YPEL1: variants seen among roughly 807,000 people sequenced by gnomAD.
The protein encoded by YPEL1 is yippee like 1, also known as protein yippee-like 1.
YPEL1 carries 7 observed loss-of-function variants against 17.3 expected under a neutral mutation model. That is an observed-to-expected ratio of 0.40 (90% CI 0.23 to 0.76). The LOEUF is 0.76. YPEL1 is among the 30% of genes least tolerant of loss of function. The pLI is 0.35. For missense variants in YPEL1, 91 were observed against 155.5 expected, an observed-to-expected ratio of 0.59 and a Z score of 2.21; for synonymous variants, 59 against 59.6, an observed-to-expected ratio of 0.99 and a Z score of 0.05.
At position 21,699,690 on chromosome 22, in the gene YPEL1, T is replaced by C. The variant is rs1289886283; in HGVS notation, c.*1439A>G. 6.5e-6 allele frequency: 1 copy of C among 152,822 alleles called. No individual in the cohort carries two copies. Among genetic ancestry groups the C allele is most frequent in the Non-Finnish European group, 1.5e-5 (1 of 68,054 alleles). The allele number at this position is 152,822 out of a possible 1,614,324, so 9.5% of individuals were successfully genotyped here. On this transcript the variant is annotated 3_prime_UTR_variant, in exon 5 of 5. Coordinates refer to ENST00000339468, the MANE Select transcript of YPEL1 (RefSeq NM_013313.5). The stretch of plus-strand genomic sequence containing the variant: ...TAAACATTCTGGCAAATGTCAAGTT[T>C]TGAAGTTTTTCCTGTGGGTTCTGGC...
Position 21,703,298 on chromosome 22 carries a change from G to C in YPEL1, c.270+72C>G. ...ACTGGTACCATGGGCCACACTGCAC[G>C]GGGAGGTGTGGCTCAGTGGCAACTT... On this transcript the variant is annotated intron_variant, in intron 4 of 4. Transcript: ENST00000339468. This position sits in a 1 kb window ranked among gnomAD's most constrained non-coding sequence, Gnocchi z 6.1. 2 of 1,310,756 alleles carry C rather than the reference G, an allele frequency of 1.5e-6. No individual in the cohort carries two copies. The highest frequency in any genetic ancestry group is 2.2e-6 in the Non-Finnish European group (2 of 911,856). The allele number at this position is 1,310,756 out of a possible 1,614,324, so 81.2% of individuals were successfully genotyped here. A position where few individuals can be genotyped will look rare whatever the true frequency, so the allele number is the denominator to read the frequency against.
At chr22:21,702,510 A>AAGGC (rs2148594474) in intron 4 of YPEL1, among the ~76,000 whole-genome samples, 1 of 152,168 alleles carries the variant, frequency 6.6e-6, no homozygotes, top group East Asian at 1.9e-4. Flanking sequence ...TCCTTCAACA[A>AAGGC]AGGCAGGCAG....
At chr22:21,734,203 G>A (rs563959927) in intron 1 of YPEL1, among the ~76,000 whole-genome samples, 23 of 152,216 alleles carry the variant, frequency 1.5e-4, no homozygotes, top group Non-Finnish European at 3.1e-4. Context: ...CTGAGCAAGA[G>A]TGAGACCCTG....
At chr22:21,725,613 C>A (rs73384125) in intron 1 of YPEL1, among the ~76,000 whole-genome samples, 1,798 of 152,128 alleles carry the variant, frequency 0.012, 38 homozygotes, top group African/African-American at 0.04. Flanking sequence ...TGTCCTGGCC[C>A]CTGAAAGGCA....
At chr22:21,710,353 G>A (rs1820098995) in intron 2 of YPEL1, 7 of 503,938 alleles carry the variant, frequency 1.4e-5, no homozygotes. Context: ...TCTGCTGTGA[G>A]TAACAAGTGA....
chr22:21,722,468 TAGCC>T (rs1200828976), intron 1 of YPEL1, among the ~76,000 whole-genome samples: 1 of 149,924 alleles, frequency 6.7e-6, no homozygotes, highest in African/African-American at 2.4e-5. Flanking sequence ...TACAAAAAAA[TAGCC>T]AGGCATGGTG....
intron 1 of YPEL1, among the ~76,000 whole-genome samples, chr22:21,730,393 T>C (rs1283049784): frequency 1.3e-5 from 2 of 152,032 alleles, no homozygotes; most frequent in African/African-American, 2.4e-5. Flanking sequence ...CTGGCTAAGT[T>C]TGTATTTTTA....
At chr22:21,727,904 G>C (rs75343504) in intron 1 of YPEL1, among the ~76,000 whole-genome samples, 12,847 of 152,208 alleles carry the variant, frequency 0.084, 699 homozygotes, top group Non-Finnish European at 0.12. Context: ...AGCCCTCCAG[G>C]GTGTCCCGAG....
chr22:21,706,315 G>A (rs1259005379), intron 2 of YPEL1, among the ~76,000 whole-genome samples: 1 of 150,520 alleles, frequency 6.6e-6, no homozygotes, highest in Non-Finnish European at 1.5e-5. Context: ...TATAATCCCA[G>A]CTACTCAGGA....
At chr22:21,707,499 G>A (rs184393569) in intron 2 of YPEL1, among the ~76,000 whole-genome samples, 70 of 152,304 alleles carry the variant, frequency 4.6e-4, no homozygotes, top group South Asian at 1.9e-3. Context: ...AACTAAACCT[G>A]TGTTTTAAGC....
chr22:21,711,148 G>C (rs2068161862), intron 1 of YPEL1, among the ~76,000 whole-genome samples: 2 of 151,648 alleles, frequency 1.3e-5, no homozygotes, highest in Non-Finnish European at 2.9e-5. Flanking sequence ...CTCAGCCTCT[G>C]AGTAGCTGGG....
At chr22:21,706,162 G>T (rs968868165) in intron 2 of YPEL1, among the ~76,000 whole-genome samples, 6 of 151,212 alleles carry the variant, frequency 4.0e-5, no homozygotes, top group African/African-American at 1.5e-4. Context: ...TGGGCGCGGT[G>T]GTTCATGCCT....
chr22:21,712,804 TAA>T (rs908616157), intron 1 of YPEL1, among the ~76,000 whole-genome samples: 1 of 151,134 alleles, frequency 6.6e-6, no homozygotes, highest in East Asian at 1.9e-4. Flanking sequence ...TAGAATATGT[TAA>T]AAAAAACTCA....
chr22:21,731,608 G>A (rs1601645576), intron 1 of YPEL1, among the ~76,000 whole-genome samples: 2 of 151,908 alleles, frequency 1.3e-5, no homozygotes, highest in Admixed American at 1.3e-4. Flanking sequence ...TTTGGGTGGC[G>A]GGGGTATATG....
At position 21,703,808 on chromosome 22, in the gene YPEL1, C is replaced by T. The variant is rs958060963; in HGVS notation, c.161+31G>A. 61 of 1,605,038 alleles carry T rather than the reference C, an allele frequency of 3.8e-5. No homozygotes were observed. The highest frequency in any genetic ancestry group is 1.3e-5 in the African/African-American group (1 of 74,662). On this transcript the variant is annotated intron_variant, in intron 3 of 4. Coordinates refer to ENST00000339468, the MANE Select transcript of YPEL1 (RefSeq NM_013313.5). This position sits in a 1 kb window ranked among gnomAD's most constrained non-coding sequence, Gnocchi z 6.1. Reference sequence around the variant, plus strand: ...ATCCAGGCCGTCCCAGGGCCCGTGCCGCTCCCCCCGGGCTGAACCAGGGTA... The same window carrying T: ...ATCCAGGCCGTCCCAGGGCCCGTGCTGCTCCCCCCGGGCTGAACCAGGGTA...
In YPEL1 at chr22:21,703,816, C is replaced by G. The variant is rs778358864; in HGVS notation, c.161+23G>C. ...CGTCCCAGGGCCCGTGCCGCTCCCC[C>G]CGGGCTGAACCAGGGTACTCACACG... is the stretch of plus-strand genomic sequence containing the variant. On this transcript the variant is annotated intron_variant, in intron 3 of 4. Transcript: ENST00000339468. The surrounding 1 kb of genome is among the most constrained non-coding windows in gnomAD (Gnocchi z 6.1). 2.6e-5 allele frequency: 42 copies of G among 1,607,104 alleles called. No individual in the cohort carries two copies. Among genetic ancestry groups the G allele is most frequent in the African/African-American group, 4.0e-5 (3 of 74,746 alleles).
intron 1 of YPEL1, among the ~76,000 whole-genome samples, chr22:21,723,758 C>T: frequency 6.6e-6 from 1 of 151,458 alleles, no homozygotes; most frequent in Admixed American, 6.6e-5. Context: ...CTCTGCCTCC[C>T]AGGTTCAAAC....
At chr22:21,727,161 C>T (rs551737023) in intron 1 of YPEL1, among the ~76,000 whole-genome samples, 11 of 152,302 alleles carry the variant, frequency 7.2e-5, no homozygotes, top group East Asian at 3.9e-4. Flanking sequence ...AGATGCCTCC[C>T]GTGCGCTTCA....
chr22:21,706,845 A>T (rs58003061), intron 2 of YPEL1, among the ~76,000 whole-genome samples: 5,420 of 152,166 alleles, frequency 0.036, 178 homozygotes, highest in African/African-American at 0.088. Context: ...AGCCCTGTCT[A>T]AAAATAAATA....
Sources: gnomAD v4.1 joint callset for allele counts (sites outside exome capture counted in the v4.1 genomes callset) on GRCh38, gnomAD v4.1.1 for gene constraint, Gnocchi (gnomAD v3.1) non-coding constraint, MANE v1.5 for transcripts, NCBI Gene and HGNC (gene_info 2026-07-23, HGNC 2026-07-21) for gene names.